Variants in OXR1 observed in about 807,000 individuals in gnomAD.
The protein encoded by OXR1 is oxidation resistance 1, also known as oxidation resistance protein 1.
Under a neutral mutation model 104.6 loss-of-function variants are expected in OXR1, and 41 were observed. The observed-to-expected ratio is 0.39, with a 90% CI of 0.31 to 0.51. The LOEUF (loss-of-function observed/expected upper bound fraction) is 0.51, where lower values mean the gene tolerates loss of function less well. Among genes scored for constraint, OXR1 ranks in the 20% least tolerant of loss-of-function variants. The pLI, the probability that OXR1 is intolerant of heterozygous loss-of-function variation, is 0.77. For synonymous variants in OXR1, 348 were observed against 348.4 expected (o/e 1.00, Z 0.01); for missense variants, 955 against 1,031.9 (o/e 0.93, Z 1.02).
At chr8:106,386,308 G>T (rs1342982443) in intron 2 of OXR1, among the ~76,000 whole-genome samples, 1 of 152,124 alleles carries the variant, frequency 6.6e-6, no homozygotes, top group East Asian at 1.9e-4. Flanking sequence ...GAACTAGAAG[G>T]CTCATTTTAA....
At chr8:106,316,694 TATCTATCTATCTATCTATCTATC>T (rs1285995958) in intron 1 of OXR1, among the ~76,000 whole-genome samples, 45 of 102,638 alleles carry the variant, frequency 4.4e-4, no homozygotes, top group African/African-American at 1.0e-3. Context: ...TCTTTTTTTC[TATCTATCTATCTATCTATCTATC>T]ATCTATCTAT....
At chr8:106,298,923 A>G (rs76865411) in intron 1 of OXR1, among the ~76,000 whole-genome samples, 191 of 150,158 alleles carry the variant, frequency 1.3e-3, no homozygotes, top group Middle Eastern at 6.8e-3. Flanking sequence ...TTATATATAT[A>G]TGTGTGTGTG....
chr8:106,620,681 G>A (rs12542218), intron 3 of OXR1, among the ~76,000 whole-genome samples: 25,257 of 152,100 alleles, frequency 0.17, 2,256 homozygotes, highest in East Asian at 0.38. Context: ...CCACATTCAA[G>A]TTATGTTTCT....
At chr8:106,577,012 G>A (rs1038599486) in intron 3 of OXR1, among the ~76,000 whole-genome samples, 1 of 151,888 alleles carries the variant, frequency 6.6e-6, no homozygotes, top group Non-Finnish European at 1.5e-5. Flanking sequence ...CCTTTACTTC[G>A]AAGAATTTAT....
chr8:106,698,606 A>G (rs1830298098), intron 7 of OXR1, among the ~76,000 whole-genome samples: 1 of 151,868 alleles, frequency 6.6e-6, no homozygotes, highest in African/African-American at 2.4e-5. Context: ...ATTTTGGATA[A>G]TTTTAATTGC....
intron 3 of OXR1, among the ~76,000 whole-genome samples, chr8:106,519,651 A>G (rs1313391271): frequency 1.3e-5 from 2 of 152,214 alleles, no homozygotes; most frequent in African/African-American, 4.8e-5. Flanking sequence ...GACAGATTAC[A>G]TTGTGGGTCT....
intron 2 of OXR1, among the ~76,000 whole-genome samples, chr8:106,369,664 C>T (rs1026571963): frequency 2.0e-5 from 3 of 152,098 alleles, no homozygotes; most frequent in Non-Finnish European, 2.9e-5. Context: ...ATCCTTTCCC[C>T]ATTGCTTGTT....
At chr8:106,291,510 A>G (rs1253335719) in intron 1 of OXR1, among the ~76,000 whole-genome samples, 7 of 152,224 alleles carry the variant, frequency 4.6e-5, no homozygotes, top group Admixed American at 4.6e-4. Context: ...AAACAAAAAA[A>G]CAAGCACATA....
At chr8:106,674,640 C>A (rs1164008628) in intron 3 of OXR1, among the ~76,000 whole-genome samples, 1 of 152,060 alleles carries the variant, frequency 6.6e-6, no homozygotes, top group East Asian at 1.9e-4. Flanking sequence ...CTTTGTGTCC[C>A]CACCCAAATC....
intron 1 of OXR1, among the ~76,000 whole-genome samples, chr8:106,313,145 GAT>G (rs1416782348): frequency 6.6e-6 from 1 of 151,872 alleles, no homozygotes; most frequent in Admixed American, 6.6e-5. Context: ...TAGTCACAAT[GAT>G]ATGTGAATCA....
At chr8:106,364,564 G>C (rs569029926) in intron 2 of OXR1, among the ~76,000 whole-genome samples, 14 of 151,778 alleles carry the variant, frequency 9.2e-5, no homozygotes, top group Admixed American at 8.5e-4. Flanking sequence ...TGGGTGACAG[G>C]GCAAGACTCC....
intron 11 of OXR1, among the ~76,000 whole-genome samples, chr8:106,722,407 A>G (rs1420638315): frequency 1.3e-5 from 2 of 152,206 alleles, no homozygotes; most frequent in Non-Finnish European, 2.9e-5. Flanking sequence ...TAATAAATCT[A>G]AAAAAGAAAT....
intron 2 of OXR1, among the ~76,000 whole-genome samples, chr8:106,487,669 G>T (rs1422043854): frequency 1.3e-5 from 2 of 148,950 alleles, no homozygotes; most frequent in Non-Finnish European, 3.0e-5. Context: ...GAGAATATGC[G>T]GTGTTTGGTT....
chr8:106,466,606 C>T (rs921646870), intron 2 of OXR1, among the ~76,000 whole-genome samples: 106 of 151,660 alleles, frequency 7.0e-4, no homozygotes, highest in African/African-American at 2.5e-3. Flanking sequence ...GACTTCCCCC[C>T]CAGAAGAAAT....
At chr8:106,636,508 G>C (rs1035818168) in intron 3 of OXR1, among the ~76,000 whole-genome samples, 1 of 152,156 alleles carries the variant, frequency 6.6e-6, no homozygotes, top group African/African-American at 2.4e-5. Context: ...CCCAGAGATA[G>C]ACACTATGCT....
intron 3 of OXR1, chr8:106,617,899 C>T (rs780114977): frequency 7.7e-5 from 28 of 361,764 alleles, no homozygotes; most frequent in Non-Finnish European, 1.0e-4. Flanking sequence ...AGCATGTCGT[C>T]GTCACCGTTT....
chr8:106,358,221 C>G (rs1352273297), intron 1 of OXR1, among the ~76,000 whole-genome samples: 1 of 152,212 alleles, frequency 6.6e-6, no homozygotes, highest in East Asian at 1.9e-4. Context: ...GAATACACCT[C>G]CTTCCCTGGT....
At chr8:106,316,380 T>C (rs923549856) in intron 1 of OXR1, among the ~76,000 whole-genome samples, 1 of 151,320 alleles carries the variant, frequency 6.6e-6, no homozygotes, top group African/African-American at 2.4e-5. Flanking sequence ...CTACAATCAA[T>C]CTTTATTGAA....
chr8:106,420,288 G>T (rs1563513617), intron 2 of OXR1, among the ~76,000 whole-genome samples: 1 of 151,854 alleles, frequency 6.6e-6, no homozygotes, highest in Non-Finnish European at 1.5e-5. Flanking sequence ...TTTATTTTTA[G>T]TTGGAAGTAC....
Sources: allele counts gnomAD v4.1 joint callset (sites outside exome capture counted in the v4.1 genomes callset), GRCh38; gene constraint gnomAD v4.1.1; transcripts MANE v1.5; gene names NCBI Gene and HGNC (gene_info 2026-07-23, HGNC 2026-07-21).